The following PCDH11X variants were observed in gnomAD, a reference collection of about 807,000 sequenced individuals.
PCDH11X encodes the protein protocadherin-11 X-linked.
PCDH11X carries 18 observed loss-of-function variants against 53.3 expected under a neutral mutation model. That is an observed-to-expected ratio of 0.34 (90% CI 0.23 to 0.50). PCDH11X has a LOEUF of 0.50. Ranked by LOEUF, PCDH11X falls within the 20% of genes least tolerant of loss-of-function variation. PCDH11X has a pLI of 0.98. For missense variants in PCDH11X, 570 were observed against 1,032.4 expected, an observed-to-expected ratio of 0.55 and a Z score of 6.14; for synonymous variants, 279 against 393.3, an observed-to-expected ratio of 0.71 and a Z score of 3.44.
At chrX:92,297,922 G>A (rs950279114) in intron 8 of PCDH11X, among the ~76,000 whole-genome samples, 5 of 107,968 alleles carry the variant, frequency 4.6e-5, no homozygotes, top group Non-Finnish European at 7.7e-5. Context: ...GACTGGAATT[G>A]CATTCTTTAT....
At chrX:92,239,727 G>A (rs1283572319) in intron 7 of PCDH11X, among the ~76,000 whole-genome samples, 1 of 111,375 alleles carries the variant, frequency 9.0e-6, no homozygotes, top group Non-Finnish European at 1.9e-5. Context: ...TCATAATGCA[G>A]TGTATACCAT....
At chrX:92,122,440 T>C (rs1327235314) in intron 6 of PCDH11X, among the ~76,000 whole-genome samples, 1 of 112,072 alleles carries the variant, frequency 8.9e-6, no homozygotes, top group Non-Finnish European at 1.9e-5. Context: ...AAATTGCTTC[T>C]ATGATAAGTC....
At chrX:92,300,588 C>T (rs1417511027) in intron 8 of PCDH11X, among the ~76,000 whole-genome samples, 1 of 111,030 alleles carries the variant, frequency 9.0e-6, no homozygotes, top group Non-Finnish European at 1.9e-5. Flanking sequence ...AGTGATTCTC[C>T]TGCCTCAGCC....
intron 9 of PCDH11X, among the ~76,000 whole-genome samples, chrX:92,434,832 G>A (rs1408226031): frequency 9.1e-6 from 1 of 109,720 alleles, no homozygotes; most frequent in Non-Finnish European, 1.9e-5. Flanking sequence ...CACAATCATG[G>A]CAGAAAACAT....
At chrX:92,461,335 G>A (rs985070975) in intron 9 of PCDH11X, among the ~76,000 whole-genome samples, 1 of 108,286 alleles carries the variant, frequency 9.2e-6, no homozygotes, top group African/African-American at 3.4e-5. Flanking sequence ...AACCAAAACA[G>A]CATGGTACTG....
rs1259774913 is a variant in PCDH11X at position 92,048,553 on chromosome X, C to T, written c.3034-152822C>T. 5.4e-5 allele frequency among the ~76,000 whole-genome samples: 6 copies of T among 110,735 alleles called. 1 individual carries two copies. In the Admixed American group the frequency reaches 5.8e-4, roughly 11 times the overall value. ...ATACTTCGTTCTTTTTACATAGCTA[C>T]TTATCAAAAGAAGCTAAATGTGGCA... On this transcript the variant is annotated intron_variant, in intron 6 of 10. Coordinates refer to ENST00000682573, the MANE Select transcript of PCDH11X (RefSeq NM_032968.5).
At chrX:92,248,740 G>A (rs1011972198) in intron 7 of PCDH11X, among the ~76,000 whole-genome samples, 2 of 111,381 alleles carry the variant, frequency 1.8e-5, no homozygotes, top group Admixed American at 1.9e-4. Flanking sequence ...CGCCCAGGCT[G>A]GAGTCAGTGG....
intron 6 of PCDH11X, among the ~76,000 whole-genome samples, chrX:91,928,256 G>A (rs779940501): frequency 1.3e-4 from 14 of 109,289 alleles, no homozygotes; most frequent in African/African-American, 4.6e-4. Context: ...AATCAAACGT[G>A]GCTCTTGTGG....
intron 8 of PCDH11X, among the ~76,000 whole-genome samples, chrX:92,287,225 G>A (rs1219848299): frequency 9.0e-6 from 1 of 110,777 alleles, no homozygotes; most frequent in Non-Finnish European, 1.9e-5. Context: ...GAATGTGCAG[G>A]TTTGTTACAT....
chrX:91,888,529 T>A (rs1295154582), intron 6 of PCDH11X, among the ~76,000 whole-genome samples: 2 of 109,346 alleles, frequency 1.8e-5, no homozygotes, highest in Non-Finnish European at 3.8e-5. Flanking sequence ...GTGGTGCATA[T>A]CTGTGGTCTC....
intron 6 of PCDH11X, among the ~76,000 whole-genome samples, chrX:92,031,482 C>T (rs1441807276): frequency 9.2e-6 from 1 of 108,964 alleles, no homozygotes; most frequent in Non-Finnish European, 1.9e-5. Context: ...AGCTTTTTAA[C>T]TTGATATGAT....
At chrX:92,428,018 T>G (rs752453293) in intron 9 of PCDH11X, among the ~76,000 whole-genome samples, 148 of 98,470 alleles carry the variant, frequency 1.5e-3, no homozygotes, top group Middle Eastern at 4.9e-3. Context: ...TATGGAAAAT[T>G]TTATTTATGA....
chrX:92,365,039 T>C (rs1379021241), intron 8 of PCDH11X, among the ~76,000 whole-genome samples: 34 of 81,410 alleles, frequency 4.2e-4, no homozygotes, highest in African/African-American at 1.5e-3. Context: ...AACATTAGCA[T>C]AGGCTTGCAT....
chrX:92,291,679 A>G (rs1282880178), intron 8 of PCDH11X, among the ~76,000 whole-genome samples: 1 of 106,321 alleles, frequency 9.4e-6, no homozygotes, highest in Non-Finnish European at 1.9e-5. Context: ...CATAAGCTAT[A>G]ACTAAAACTA....
intron 8 of PCDH11X, among the ~76,000 whole-genome samples, chrX:92,378,044 C>T (rs1176441263): frequency 9.3e-6 from 1 of 107,759 alleles, no homozygotes. Context: ...ATCATGATTT[C>T]TCTGATCAAT....
intron 6 of PCDH11X, among the ~76,000 whole-genome samples, chrX:92,113,091 A>ATT (rs199684013): frequency 5.0e-4 from 48 of 96,292 alleles, no homozygotes; most frequent in Non-Finnish European, 6.0e-4. Flanking sequence ...CTTTTTATCT[A>ATT]TTTTTTTTTT....
intron 6 of PCDH11X, among the ~76,000 whole-genome samples, chrX:92,095,278 G>A (rs2064116989): frequency 9.1e-6 from 1 of 110,105 alleles, no homozygotes; most frequent in Admixed American, 9.8e-5. Flanking sequence ...TTCTTCTTTG[G>A]TTACTTTTGT....
chrX:91,981,093 T>C (rs193082696), intron 6 of PCDH11X, among the ~76,000 whole-genome samples: 82 of 102,713 alleles, frequency 8.0e-4, no homozygotes, highest in African/African-American at 2.9e-3. Context: ...ATATATACAC[T>C]GAATATATAA....
intron 8 of PCDH11X, among the ~76,000 whole-genome samples, chrX:92,344,109 TC>T (rs2069832260): frequency 9.4e-6 from 1 of 106,948 alleles, no homozygotes; most frequent in Non-Finnish European, 1.9e-5. Context: ...GAAGATCTTA[TC>T]CATCTGGACC....
Sources: gnomAD v4.1 joint callset for allele counts (sites outside exome capture counted in the v4.1 genomes callset) on GRCh38, gnomAD v4.1.1 for gene constraint, MANE v1.5 for transcripts, NCBI Gene and HGNC (gene_info 2026-07-23, HGNC 2026-07-21) for gene names.